CDH1: variants seen among roughly 807,000 people sequenced by gnomAD.
CDH1 encodes the protein cadherin-1.
Under a neutral mutation model 84.5 loss-of-function variants are expected in CDH1, and 35 were observed. That is an observed-to-expected ratio of 0.41 (90% CI 0.32 to 0.55). The LOEUF (loss-of-function observed/expected upper bound fraction) is 0.55, where lower values mean the gene tolerates loss of function less well. CDH1 is among the 20% of genes least tolerant of loss of function. CDH1 has a pLI of 0.19. For synonymous variants in CDH1, 417 were observed against 439.0 expected, an observed-to-expected ratio of 0.95 and a Z score of 0.63; for missense variants, 994 against 1,126.6, an observed-to-expected ratio of 0.88 and a Z score of 1.68.
chr16:68,743,302 T>C (rs913640194), intron 2 of CDH1, among the ~76,000 whole-genome samples: 17 of 13,144 alleles, frequency 1.3e-3, no homozygotes, highest in Non-Finnish European at 1.7e-3. Context: ...TTTCTTTCTT[T>C]CTTTCTTTCT....
chr16:68,793,475 C>T (rs1020573557), intron 2 of CDH1, among the ~76,000 whole-genome samples: 7 of 152,142 alleles, frequency 4.6e-5, no homozygotes, highest in African/African-American at 1.7e-4. Flanking sequence ...GTGAATGGCT[C>T]ATCAGTACTA....
chr16:68,832,830 A>AG (rs1366843178), intron 15 of CDH1, among the ~76,000 whole-genome samples: 1 of 152,172 alleles, frequency 6.6e-6, no homozygotes, highest in African/African-American at 2.4e-5. Context: ...CTAAAAAAAA[A>AG]GAAAAAGAAA....
intron 11 of CDH1, among the ~76,000 whole-genome samples, chr16:68,820,086 C>G (rs1961098785): frequency 6.6e-6 from 1 of 151,928 alleles, no homozygotes; most frequent in Non-Finnish European, 1.5e-5. Flanking sequence ...GTAGGCCCAG[C>G]TACTCAGAAG....
intron 2 of CDH1, among the ~76,000 whole-genome samples, chr16:68,784,227 A>G (rs983625616): frequency 6.6e-6 from 1 of 152,194 alleles, no homozygotes; most frequent in Non-Finnish European, 1.5e-5. Context: ...TTAAAAAGCC[A>G]TACTGATTCC....
At chr16:68,739,108 C>T (rs1157563840) in intron 2 of CDH1, among the ~76,000 whole-genome samples, 1 of 151,792 alleles carries the variant, frequency 6.6e-6, no homozygotes, top group East Asian at 1.9e-4. Context: ...TGCCACCACA[C>T]CTGGATAATT....
rs1470258333 is a variant in CDH1 at position 68,808,780 on chromosome 16, A to G, written c.619A>G (p.Ile207Val). The change falls in exon 5 of 16, where the codon ATT (isoleucine) becomes GTT (valine). Residue 207 changes from isoleucine to valine, a missense_variant. Ile to Val is a conservative substitution (Grantham distance 29). Around this residue, in one of 3 missense-constraint regions of CDH1, gnomAD observed 769 missense variants for 881.8 expected, o/e 0.87. Coordinates refer to ENST00000261769, the MANE Select transcript of CDH1 (RefSeq NM_004360.5). ...ADTPPVGVFI[I>V]ERETGWLKVT... ...CACACCCCCTGTTGGTGTCTTTATT[A>G]TTGAAAGAGAAACAGGATGGCTGAA... The G allele has an allele frequency of 6.2e-7, 1 of 1,614,192 alleles. No individual in the cohort carries two copies.
At chr16:68,741,971 A>G (rs924807144) in intron 2 of CDH1, among the ~76,000 whole-genome samples, 4 of 152,174 alleles carry the variant, frequency 2.6e-5, no homozygotes, top group Non-Finnish European at 1.5e-5. Flanking sequence ...ATGCCTGGCT[A>G]ATAACCCAGT....
rs945582695 is a variant in CDH1, at chr16:68,807,397, C to T, written c.388-1027C>T. 6.6e-5 allele frequency among the ~76,000 whole-genome samples: 10 copies of T among 152,190 alleles called. No individual in the cohort carries two copies. In the East Asian group the frequency reaches 1.4e-3, roughly 21 times the overall value. On this transcript the variant is annotated intron_variant, in intron 3 of 15. Transcript: ENST00000261769. ...AGAAAAATATAAAAGAGGCTGGGTG[C>T]GGTGACTCACACCTGTAATCCCAGC...
chr16:68,793,717 C>G (rs34530130), intron 2 of CDH1, among the ~76,000 whole-genome samples: 1 of 152,004 alleles, frequency 6.6e-6, no homozygotes, highest in Admixed American at 6.6e-5. Context: ...GAGGTGAAAC[C>G]TCGTCTCTAG....
intron 2 of CDH1, among the ~76,000 whole-genome samples, chr16:68,751,164 G>A (rs1212590679): frequency 1.3e-5 from 2 of 152,104 alleles, no homozygotes; most frequent in South Asian, 2.1e-4. Context: ...AAAATATCAC[G>A]CCTGCTCCAA....
At position 68,823,636 on chromosome 16, in the gene CDH1, G is replaced by T. The variant is rs753911528; in HGVS notation, c.2164+10G>T. ...ATTCTTGCTTTGCTAAGTAAGTCCA[G>T]CTGGCAAGTGACTCAGCCTTTGACT... is the stretch of plus-strand genomic sequence containing the variant. On this transcript the variant is annotated intron_variant, in intron 13 of 15. Coordinates refer to ENST00000261769, the MANE Select transcript of CDH1 (RefSeq NM_004360.5). 6.4e-7 allele frequency: 1 copy of T among 1,570,728 alleles called. No homozygotes were observed. The highest frequency in any genetic ancestry group is 1.1e-5 in the South Asian group (1 of 90,192).
chr16:68,760,702 G>C (rs1959213290), intron 2 of CDH1, among the ~76,000 whole-genome samples: 1 of 152,152 alleles, frequency 6.6e-6, no homozygotes, highest in Non-Finnish European at 1.5e-5. Context: ...CTTGTTTCCA[G>C]GAGTTTGGAG....
At chr16:68,814,959 C>T in intron 9 of CDH1, among the ~76,000 whole-genome samples, 1 of 150,518 alleles carries the variant, frequency 6.6e-6, no homozygotes, top group Admixed American at 6.6e-5. Context: ...GGTGCAGTTG[C>T]TGATGTCTGT....
chr16:68,822,574 C>T (rs903503480), intron 12 of CDH1: 16 of 496,824 alleles, frequency 3.2e-5, no homozygotes, highest in Non-Finnish European at 6.1e-5. Context: ...CTCCTTCTTG[C>T]CAACCAATCG....
At chr16:68,745,550 A>ATATATATATG (rs1962706415) in intron 2 of CDH1, among the ~76,000 whole-genome samples, 2 of 50,498 alleles carry the variant, frequency 4.0e-5, no homozygotes, top group East Asian at 3.8e-4. Flanking sequence ...AAAAAAAAAA[A>ATATATATATG]TATATATATA....
chr16:68,805,799 T>G lies in CDH1; in HGVS notation c.388-2625T>G, dbSNP rs1402990838. Among the ~76,000 whole-genome samples the G allele has an allele frequency of 3.9e-5, 6 of 152,178 alleles. No individual in the cohort carries two copies. In the East Asian group the frequency reaches 9.6e-4, roughly 24 times the overall value. ...TAGTAGAAACAGGATTTCACCATGTTGGCCAGGCTGGTCTTGAGCTCACCT... is the reference window on the plus strand; with the variant it reads ...TAGTAGAAACAGGATTTCACCATGTGGGCCAGGCTGGTCTTGAGCTCACCT... On this transcript the variant is annotated intron_variant, in intron 3 of 15. Coordinates refer to ENST00000261769, the MANE Select transcript of CDH1 (RefSeq NM_004360.5).
At chr16:68,778,992 C>T (rs1249469531) in intron 2 of CDH1, among the ~76,000 whole-genome samples, 1 of 152,118 alleles carries the variant, frequency 6.6e-6, no homozygotes, top group Non-Finnish European at 1.5e-5. Flanking sequence ...CAAATTAAGG[C>T]CTTTGGGAAC....
At chr16:68,805,979 G>A (rs909999124) in intron 3 of CDH1, among the ~76,000 whole-genome samples, 22 of 151,900 alleles carry the variant, frequency 1.4e-4, no homozygotes, top group Admixed American at 1.2e-3. Flanking sequence ...ACAGAGTCTC[G>A]CTCTGTTTCC....
chr16:68,810,451 G>A (rs992866318), intron 6 of CDH1, 110 bp downstream of exon 6: 20 of 1,019,432 alleles, frequency 2.0e-5, no homozygotes, highest in African/African-American at 1.9e-4. Flanking sequence ...TCCTTCCTAC[G>A]GACAGAACTT....
Sources: allele counts gnomAD v4.1 joint callset (sites outside exome capture counted in the v4.1 genomes callset), GRCh38; gene constraint gnomAD v4.1.1; regional missense constraint gnomAD v4.1.1; transcripts MANE v1.5; gene names NCBI Gene and HGNC (gene_info 2026-07-23, HGNC 2026-07-21).